Variants in PUM1 observed in about 807,000 individuals in gnomAD.
The protein encoded by PUM1 is pumilio homolog 1.
A neutral mutation model predicts 131.8 loss-of-function variants in PUM1; 13 were observed. The observed-to-expected ratio is 0.10, with a 90% confidence interval of 0.06 to 0.16. The LOEUF is 0.16. Ranked by LOEUF, PUM1 falls within the 10% of genes least tolerant of loss-of-function variation. PUM1 has a pLI of 1.00. For missense variants in PUM1, 961 were observed against 1,512.4 expected (o/e 0.64, Z 6.05); for synonymous variants, 509 against 556.5 (o/e 0.91, Z 1.20).
chr1:30,994,383 T>C (rs1350754205), intron 6 of PUM1, among the ~76,000 whole-genome samples: 2 of 152,372 alleles, frequency 1.3e-5, no homozygotes, highest in African/African-American at 4.8e-5. Context: ...AGGATTTTTA[T>C]AGATTTTTCA....
chr1:30,941,090 A>G (rs1184479765), intron 20 of PUM1, 61 bp downstream of exon 20: 1 of 1,496,406 alleles, frequency 6.7e-7, no homozygotes, highest in Non-Finnish European at 9.1e-7. Context: ...TAAGATAATT[A>G]TAGTTCAATA....
intron 2 of PUM1, among the ~76,000 whole-genome samples, chr1:31,029,891 G>C (rs1643355536): frequency 7.2e-6 from 1 of 139,340 alleles, no homozygotes; most frequent in Non-Finnish European, 1.5e-5. Context: ...TCCAATCTAG[G>C]TAACAGAGGG....
rs570373003 is a variant in PUM1 at position 30,998,616 on chromosome 1, C to T, written c.721-3396G>A. On this transcript the variant is annotated intron_variant, in intron 5 of 21. Transcript: ENST00000426105. The stretch of plus-strand genomic sequence containing the variant: ...CTGTGGGGTGGGCACTTGATCTACT[C>T]CAAGAATAGATAAAATAAAGGATAC... Among the ~76,000 whole-genome samples the T allele has an allele frequency of 3.9e-5, 6 of 152,140 alleles. No homozygotes were observed. The South Asian group carries it at 1.2e-3, about 32-fold the overall frequency.
intron 16 of PUM1, 112 bp downstream of exon 16, chr1:30,952,122 C>A: frequency 9.8e-7 from 1 of 1,019,064 alleles, no homozygotes; most frequent in Admixed American, 1.9e-5. Flanking sequence ...AAAGACCACA[C>A]ACCCTTCATT....
intron 5 of PUM1, among the ~76,000 whole-genome samples, chr1:31,004,052 A>G (rs934205500): frequency 1.3e-5 from 2 of 152,160 alleles, no homozygotes; most frequent in African/African-American, 2.4e-5. Flanking sequence ...TTAAAGTCCA[A>G]TCTTCTGGCC....
At chr1:30,942,229 A>G (rs941793010) in intron 18 of PUM1, 106 bp from the exon 19 acceptor site, 20 of 149,790 alleles carry the variant, frequency 1.3e-4, no homozygotes, top group African/African-American at 4.7e-4. Context: ...ATATATATAT[A>G]TATATATGTA....
intron 7 of PUM1, among the ~76,000 whole-genome samples, chr1:30,988,808 A>C (rs921823040): frequency 1.3e-5 from 2 of 152,132 alleles, no homozygotes; most frequent in African/African-American, 4.8e-5. Flanking sequence ...AATGTATTCC[A>C]CCTGTCCTTC....
rs559730523 is a variant in PUM1 at position 31,015,548 on chromosome 1, A to T, written c.433-8446T>A. ...AGTAGAGACGGGGTTTCACCATGTT[A>T]CTCAGGATGGTCTTGATCTCCTGAT... is the stretch of plus-strand genomic sequence containing the variant. On this transcript the variant is annotated intron_variant, in intron 3 of 21. Transcript: ENST00000426105. Among the ~76,000 whole-genome samples, 283 of 151,052 alleles carry T rather than the reference A, an allele frequency of 1.9e-3. 1 individual carries two copies. The highest frequency in any genetic ancestry group is 3.5e-3 in the Non-Finnish European group (234 of 67,758).
At chr1:30,973,826 A>G (rs1199911489) in intron 10 of PUM1, among the ~76,000 whole-genome samples, 1 of 152,080 alleles carries the variant, frequency 6.6e-6, no homozygotes, top group African/African-American at 2.4e-5. Context: ...CACGGTGGTC[A>G]CGCCTGTAAT....
At chr1:30,978,276 A>C (rs1641219802) in intron 9 of PUM1, among the ~76,000 whole-genome samples, 1 of 152,198 alleles carries the variant, frequency 6.6e-6, no homozygotes, top group South Asian at 2.1e-4. Context: ...CAAATAAGGC[A>C]GCTGTCTGAG....
intron 2 of PUM1, chr1:31,037,131 A>G (rs1643637002): frequency 1.3e-5 from 2 of 153,278 alleles, no homozygotes; most frequent in African/African-American, 4.8e-5. Flanking sequence ...TGAAGCCACA[A>G]TATCCTACAA....
At position 31,029,396 on chromosome 1, in the gene PUM1, C is replaced by T. The variant is rs2124547800; in HGVS notation, c.364-532G>A. On this transcript the variant is annotated intron_variant, in intron 2 of 21. Transcript: ENST00000426105. Reference sequence around the variant, plus strand: ...CCATATTGGGAGATCCCTGGGGGCTCCCCAAACCTAACCAGGGGGAGAAAA... The same window carrying T: ...CCATATTGGGAGATCCCTGGGGGCTTCCCAAACCTAACCAGGGGGAGAAAA... 1.3e-5 allele frequency among the ~76,000 whole-genome samples: 2 copies of T among 152,300 alleles called. 1 individual carries two copies. The highest frequency in any genetic ancestry group is 4.1e-4 in the South Asian group (2 of 4,830).
At chr1:31,060,150 A>G (rs1016229857) in intron 1 of PUM1, among the ~76,000 whole-genome samples, 58 of 142,710 alleles carry the variant, frequency 4.1e-4, no homozygotes, top group Admixed American at 8.3e-4. Flanking sequence ...GCCCAGCCCC[A>G]AAAGCCTTTT....
At chr1:30,961,435 G>A (rs1640403154) in intron 14 of PUM1, among the ~76,000 whole-genome samples, 1 of 151,836 alleles carries the variant, frequency 6.6e-6, no homozygotes, top group African/African-American at 2.4e-5. Context: ...GGGGTGGAAA[G>A]ATCCTTTGAG....
At position 31,059,188 on chromosome 1, in the gene PUM1, G is replaced by A; in HGVS notation, c.363+16C>T. On this transcript the variant is annotated intron_variant, in intron 2 of 21. Coordinates refer to ENST00000426105, the MANE Select transcript of PUM1 (RefSeq NM_001020658.2). ...ATAAAGGAATGTCAAAGCTAAAATA[G>A]TGAACTTTTTTTTACCTGATGTTCT... The A allele has an allele frequency of 3.9e-6, 6 of 1,542,062 alleles. No homozygotes were observed. Among genetic ancestry groups the A allele is most frequent in the Non-Finnish European group, 5.2e-6 (6 of 1,143,918 alleles).
intron 7 of PUM1, among the ~76,000 whole-genome samples, chr1:30,991,161 C>T (rs769885522): frequency 2.6e-5 from 4 of 151,696 alleles, no homozygotes; most frequent in Non-Finnish European, 5.9e-5. Context: ...GATTGCATTA[C>T]ACTGGGAATG....
intron 14 of PUM1, among the ~76,000 whole-genome samples, chr1:30,961,919 A>T (rs1054599081): frequency 4.6e-5 from 7 of 152,220 alleles, no homozygotes; most frequent in Non-Finnish European, 1.0e-4. Context: ...GGCAGCAGTG[A>T]AGTAGTATTA....
intron 3 of PUM1, among the ~76,000 whole-genome samples, chr1:31,019,081 G>A (rs1412925476): frequency 1.3e-5 from 2 of 152,152 alleles, no homozygotes. Context: ...GGTCGGGTGT[G>A]GTGGCTCATG....
intron 17 of PUM1, 37 bp downstream of exon 17, chr1:30,950,090 A>G (rs1268945417): frequency 1.3e-6 from 2 of 1,599,456 alleles, no homozygotes; most frequent in Admixed American, 1.7e-5. Context: ...ATGGAGAAAC[A>G]TCAAACACCA....
Sources: gnomAD v4.1 joint callset for allele counts (sites outside exome capture counted in the v4.1 genomes callset) on GRCh38, gnomAD v4.1.1 for gene constraint, MANE v1.5 for transcripts, NCBI Gene and HGNC (gene_info 2026-07-23, HGNC 2026-07-21) for gene names.